NTM: variants seen among roughly 807,000 people sequenced by gnomAD.
The protein encoded by NTM is neurotrimin.
In NTM, 13 loss-of-function variants were observed where a neutral mutation model predicts 42.1. The ratio of observed to expected loss-of-function variants is 0.31; its 90% CI spans 0.20 to 0.49. The LOEUF is 0.49. Among genes scored for constraint, NTM ranks in the 20% least tolerant of loss-of-function variants. The pLI is 0.99. For synonymous variants in NTM, 187 were observed against 179.2 expected (o/e 1.04, Z -0.35); for missense variants, 373 against 452.8 (o/e 0.82, Z 1.60).
intron 2 of NTM, among the ~76,000 whole-genome samples, chr11:132,007,834 G>A (rs970857407): frequency 3.3e-5 from 5 of 152,080 alleles, no homozygotes; most frequent in Non-Finnish European, 7.4e-5. Flanking sequence ...TGTCCTGGGG[G>A]ACAAAGTGAG....
At chr11:131,755,121 C>T (rs559175183) in intron 1 of NTM, among the ~76,000 whole-genome samples, 3 of 152,086 alleles carry the variant, frequency 2.0e-5, no homozygotes, top group Non-Finnish European at 4.4e-5. Context: ...GTAGTGGTTA[C>T]ACAGATGTAA....
At chr11:131,634,169 GGTAATAT>G (rs2064071986) in intron 1 of NTM, among the ~76,000 whole-genome samples, 4 of 152,208 alleles carry the variant, frequency 2.6e-5, no homozygotes, top group Admixed American at 6.5e-5. Flanking sequence ...AAAAGCATTG[GGTAATAT>G]GTTATGAGTT....
At chr11:131,643,051 GAA>G (rs34377077) in intron 1 of NTM, among the ~76,000 whole-genome samples, 2,815 of 132,024 alleles carry the variant, frequency 0.021, 25 homozygotes, top group African/African-American at 0.028. Context: ...GAAAAAGAAT[GAA>G]AAAAAAAAAA....
chr11:131,593,388 G>A (rs1206460784), intron 1 of NTM, among the ~76,000 whole-genome samples: 2 of 152,186 alleles, frequency 1.3e-5, no homozygotes, highest in Admixed American at 6.5e-5. Context: ...GCATCTTCTG[G>A]AGACAGGCTG....
chr11:131,915,626 C>T (rs549912), intron 2 of NTM, among the ~76,000 whole-genome samples: 85,106 of 152,034 alleles, frequency 0.56, 24,225 homozygotes, highest in East Asian at 0.91. Flanking sequence ...GCAGTGCTGA[C>T]AAAGACATAC....
chr11:131,614,668 G>T (rs2061752344), intron 1 of NTM, among the ~76,000 whole-genome samples: 1 of 152,192 alleles, frequency 6.6e-6, no homozygotes, highest in Non-Finnish European at 1.5e-5. Flanking sequence ...TCACTGCTTT[G>T]TCAGTTCTTG....
intron 4 of NTM, among the ~76,000 whole-genome samples, chr11:132,296,829 G>A (rs2094628616): frequency 6.6e-6 from 1 of 152,256 alleles, no homozygotes; most frequent in Non-Finnish European, 1.5e-5. Flanking sequence ...GCTAAGAACA[G>A]AGGGGCAAGG....
chr11:131,713,198 A>G (rs1334131182), intron 1 of NTM, among the ~76,000 whole-genome samples: 4 of 152,236 alleles, frequency 2.6e-5, no homozygotes, highest in Non-Finnish European at 5.9e-5. Flanking sequence ...TTAGAGCAAC[A>G]AAACGGAAAC....
chr11:131,976,116 A>ATTTCTTCCTTCCTTCC (rs1555201517), intron 2 of NTM, among the ~76,000 whole-genome samples: 10 of 123,770 alleles, frequency 8.1e-5, no homozygotes, highest in African/African-American at 2.7e-4. Context: ...TCCCTCCCTC[A>ATTTCTTCCTTCCTTCC]TTCCTTCCTT....
chr11:131,914,033 G>T (rs2055805836), intron 2 of NTM, among the ~76,000 whole-genome samples: 1 of 152,190 alleles, frequency 6.6e-6, no homozygotes, highest in African/African-American at 2.4e-5. Flanking sequence ...GAACAAGGAA[G>T]GGCTGCCCTG....
chr11:131,767,271 G>A (rs1019734953), intron 1 of NTM: 1 of 298,960 alleles, frequency 3.3e-6, no homozygotes, highest in Non-Finnish European at 4.9e-6. Context: ...GAATATCCAT[G>A]CTTTGGCCAG....
chr11:131,802,592 G>A (rs547819927), intron 1 of NTM, among the ~76,000 whole-genome samples: 74 of 152,296 alleles, frequency 4.9e-4, no homozygotes, highest in African/African-American at 1.7e-3. Flanking sequence ...GGTTAGGGCC[G>A]TGAGGGTGTG....
At chr11:131,426,133 T>C (rs1287371039) in intron 1 of NTM, among the ~76,000 whole-genome samples, 2 of 152,180 alleles carry the variant, frequency 1.3e-5, no homozygotes, top group Admixed American at 6.5e-5. Flanking sequence ...AAGCTCCTTG[T>C]CCTCATTAGG....
chr11:131,549,989 T>G (rs1468143469), intron 1 of NTM, among the ~76,000 whole-genome samples: 1 of 152,286 alleles, frequency 6.6e-6, no homozygotes, highest in Admixed American at 6.5e-5. Context: ...CAGGGCGGAC[T>G]CAGGCACAAA....
At chr11:132,188,498 T>A (rs1247854165) in intron 3 of NTM, among the ~76,000 whole-genome samples, 1 of 152,186 alleles carries the variant, frequency 6.6e-6, no homozygotes, top group Non-Finnish European at 1.5e-5. Context: ...TTCCACTGCC[T>A]GCCTTAATGA....
intron 2 of NTM, among the ~76,000 whole-genome samples, chr11:131,936,267 T>C (rs1437311915): frequency 6.6e-6 from 1 of 152,230 alleles, no homozygotes; most frequent in African/African-American, 2.4e-5. Flanking sequence ...TTGGAATTCA[T>C]TTCTATCCTA....
intron 1 of NTM, among the ~76,000 whole-genome samples, chr11:131,637,239 C>A (rs1414776726): frequency 6.6e-6 from 1 of 151,908 alleles, no homozygotes; most frequent in East Asian, 2.0e-4. Flanking sequence ...GTGAATGTGG[C>A]CCCTGAGCTC....
Position 132,096,330 on chromosome 11 carries a change from T to G in NTM, c.168-49952T>G, listed in dbSNP as rs562690976. Among the ~76,000 whole-genome samples the G allele has an allele frequency of 2.6e-5, 4 of 152,298 alleles. No individual in the cohort carries two copies. The East Asian group carries it at 7.7e-4, about 29-fold the overall frequency. ...GATTTATTTCCTAGTGCAACCTCTC[T>G]GGGTGCTAATTTTGCTATAGGCTGC... On this transcript the variant is annotated intron_variant, in intron 2 of 8. Transcript: ENST00000683400.
At chr11:132,083,266 G>C (rs1343436464) in intron 2 of NTM, among the ~76,000 whole-genome samples, 1 of 152,206 alleles carries the variant, frequency 6.6e-6, no homozygotes, top group African/African-American at 2.4e-5. Flanking sequence ...GATTAGCTTT[G>C]AAACAGAATT....
Sources: allele counts gnomAD v4.1 joint callset (sites outside exome capture counted in the v4.1 genomes callset), GRCh38; gene constraint gnomAD v4.1.1; transcripts MANE v1.5; gene names NCBI Gene and HGNC (gene_info 2026-07-23, HGNC 2026-07-21).